The following TMEM26 variants were observed in gnomAD, a reference collection of about 807,000 sequenced individuals.
TMEM26 encodes the protein transmembrane protein 26.
In TMEM26, 38 loss-of-function variants were observed where a neutral mutation model predicts 28.8. The ratio of observed to expected loss-of-function variants is 1.32; its 90% CI spans 1.02 to 1.73. The LOEUF is 1.73. Ranked by LOEUF, TMEM26 falls within the 40% of genes most tolerant of loss-of-function variation. TMEM26 has a pLI of 0.00. For missense variants in TMEM26, 518 were observed against 447.1 expected (o/e 1.16, Z -1.43); for synonymous variants, 227 against 182.9 (o/e 1.24, Z -1.95).
intron 1 of TMEM26, among the ~76,000 whole-genome samples, chr10:61,447,271 T>G (rs1384070377): frequency 6.6e-6 from 1 of 152,188 alleles, no homozygotes; most frequent in Non-Finnish European, 1.5e-5. Flanking sequence ...CATAAACATT[T>G]TTGATGGAGG....
intron 2 of TMEM26, among the ~76,000 whole-genome samples, chr10:61,433,172 A>G (rs1297866765): frequency 6.6e-6 from 1 of 152,140 alleles, no homozygotes; most frequent in African/African-American, 2.4e-5. Flanking sequence ...ACTTGGAAGC[A>G]AATAGCTTCA....
intron 1 of TMEM26, 164 bp downstream of exon 1, chr10:61,452,727 C>A: frequency 1.2e-6 from 1 of 856,292 alleles, no homozygotes. Flanking sequence ...CCCTGGGGTG[C>A]CCAAGAGATG....
At chr10:61,435,305 AC>A (rs1839985810) in intron 2 of TMEM26, among the ~76,000 whole-genome samples, 1 of 152,126 alleles carries the variant, frequency 6.6e-6, no homozygotes, top group African/African-American at 2.4e-5. Context: ...CTTGGCCTCC[AC>A]AGTAGCTGAA....
chr10:61,439,276 T>C (rs1441477364), intron 1 of TMEM26, among the ~76,000 whole-genome samples: 1 of 152,214 alleles, frequency 6.6e-6, no homozygotes, highest in African/African-American at 2.4e-5. Flanking sequence ...GACTTCGCTT[T>C]CCTAATGCAA....
At position 61,440,039 on chromosome 10, in the gene TMEM26, C is replaced by T. The variant is rs1350967422; in HGVS notation, c.192-3791G>A. Among the ~76,000 whole-genome samples the T allele has an allele frequency of 7.9e-5, 12 of 152,056 alleles. No individual in the cohort carries two copies. In the East Asian group the frequency reaches 1.9e-3, roughly 25 times the overall value. ...CAGATCACTTGAGGTCAGGAGTTCGCGACCAGCCTGGCCAACATGGTGAAC... is the reference window on the plus strand; with the variant it reads ...CAGATCACTTGAGGTCAGGAGTTCGTGACCAGCCTGGCCAACATGGTGAAC... On this transcript the variant is annotated intron_variant, in intron 1 of 5. Transcript: ENST00000399298.
Position 61,452,996 on chromosome 10 carries a change from T to C in TMEM26, c.86A>G (p.Glu29Gly), listed in dbSNP as rs1291971475. The C allele has an allele frequency of 4.3e-6, 7 of 1,613,894 alleles. No homozygotes were observed. The highest frequency in any genetic ancestry group is 5.1e-6 in the Non-Finnish European group (6 of 1,179,986). The part of the protein sequence containing the change: ...HSLVGVWRVT[E>G]VKKEPRYWLL... Reference sequence around the variant, plus strand: ...CCAGTACCGCGGCTCCTTCTTCACCTCGGTCACTCGCCAGACCCCGACCAG... The same window carrying C: ...CCAGTACCGCGGCTCCTTCTTCACCCCGGTCACTCGCCAGACCCCGACCAG... Residue 29 changes from glutamate to glycine, a missense_variant, in exon 1 of 6, where the codon GAG becomes GGG. Coordinates refer to ENST00000399298, the MANE Select transcript of TMEM26 (RefSeq NM_178505.8).
chr10:61,410,559 G>C lies in TMEM26; in HGVS notation c.870C>G (p.Ala290=). 1 of 1,614,048 alleles carries C rather than the reference G, an allele frequency of 6.2e-7. No individual in the cohort carries two copies. The highest frequency in any genetic ancestry group is 8.5e-7 in the Non-Finnish European group (1 of 1,180,018). ...KVINQMLVFF[A]AKNFLVVVLQ... Reference sequence around the variant, plus strand: ...ACACCACCACGAGGAAGTTCTTCGCGGCAAAGAACACCAGCATCTGATTGA... The same window carrying C: ...ACACCACCACGAGGAAGTTCTTCGCCGCAAAGAACACCAGCATCTGATTGA... The change falls in exon 6 of 6, where the codon GCC becomes GCG. Residue 290 remains alanine (A), a synonymous_variant. Transcript: ENST00000399298.
rs915908738 is a variant in TMEM26 at position 61,413,551 on chromosome 10, A to C, written c.606-16T>G. 1 of 1,582,516 alleles carries C rather than the reference A, an allele frequency of 6.3e-7. No homozygotes were observed. Among genetic ancestry groups the C allele is most frequent in the Non-Finnish European group, 8.6e-7 (1 of 1,167,866 alleles). On this transcript the variant is annotated splice_polypyrimidine_tract_variant and intron_variant, in intron 4 of 5. Coordinates refer to ENST00000399298, the MANE Select transcript of TMEM26 (RefSeq NM_178505.8). The stretch of plus-strand genomic sequence containing the variant: ...AGGACTATTCCTAGAATACAGACAA[A>C]ATGTTAAATTTGTAATAAAAAGTAT...
At chr10:61,413,327 T>C in intron 5 of TMEM26, 132 bp downstream of exon 5, 1 of 1,429,698 alleles carries the variant, frequency 7.0e-7, no homozygotes, top group East Asian at 2.5e-5. Flanking sequence ...TCTACTTTCC[T>C]TCTAAGCTGA....
chr10:61,425,337 C>A (rs553863865), intron 4 of TMEM26, among the ~76,000 whole-genome samples: 11 of 152,130 alleles, frequency 7.2e-5, no homozygotes, highest in African/African-American at 2.7e-4. Context: ...AGGGACACAG[C>A]CAAACCATAT....
rs1839878503 is a variant in TMEM26, at chr10:61,429,077, A to G, written c.454T>C (p.Phe152Leu). ...KVWTLGLHQT[F>L]LLMLIIGRWL... ...CTTCCAATTATTAGCATTAACAGGA[A>G]TGTCTGATGGAGTCCCAATGTCCAA... The change falls in exon 4 of 6, where the codon TTC (phenylalanine) becomes CTC (leucine). Residue 152 changes from phenylalanine to leucine, a missense_variant. Coordinates refer to ENST00000399298, the MANE Select transcript of TMEM26 (RefSeq NM_178505.8). 3 of 1,613,366 alleles carry G rather than the reference A, an allele frequency of 1.9e-6. No homozygotes were observed. The highest frequency in any genetic ancestry group is 2.5e-6 in the Non-Finnish European group (3 of 1,179,488).
At chr10:61,412,345 T>C (rs1028234214) in intron 5 of TMEM26, among the ~76,000 whole-genome samples, 1 of 152,140 alleles carries the variant, frequency 6.6e-6, no homozygotes, top group Admixed American at 6.5e-5. Flanking sequence ...AGTTTTTCCA[T>C]CTATTCCAAA....
At chr10:61,426,224 G>GAAAAATCC (rs966942914) in intron 4 of TMEM26, among the ~76,000 whole-genome samples, 2 of 151,990 alleles carry the variant, frequency 1.3e-5, no homozygotes, top group African/African-American at 4.8e-5. Flanking sequence ...TTCTAGGAAA[G>GAAAAATCC]AAAAATCCAC....
chr10:61,410,459 C>G lies in TMEM26; in HGVS notation c.970G>C (p.Gly324Arg). 6.2e-7 allele frequency: 1 copy of G among 1,614,162 alleles called. No individual in the cohort carries two copies. The highest frequency in any genetic ancestry group is 8.5e-7 in the Non-Finnish European group (1 of 1,180,030). Residue 324 changes from glycine (G) to arginine (R), a missense_variant, in exon 6 of 6, where the codon GGA becomes CGA. Coordinates refer to ENST00000399298, the MANE Select transcript of TMEM26 (RefSeq NM_178505.8). ...SLRSQSEGLK[G>R]EHGCRAQTSE... ...GTCTGTGCCCGGCAACCATGTTCTC[C>G]TTTCAGGCCTTCTGACTGACTTCTC...
In TMEM26 at chr10:61,410,309, T is replaced by G. The variant is rs1589022526; in HGVS notation, c.*13A>C. On this transcript the variant is annotated 3_prime_UTR_variant, in exon 6 of 6. Transcript: ENST00000399298. ...GAGTCAGGTTCTAGCCGCAGACCAC[T>G]GTCAATCAATAACTAAGGGGTGTGG... is the stretch of plus-strand genomic sequence containing the variant. 3 of 1,596,684 alleles carry G rather than the reference T, an allele frequency of 1.9e-6. No individual in the cohort carries two copies. The highest frequency in any genetic ancestry group is 2.2e-5 in the East Asian group (1 of 44,600).
chr10:61,452,840 G>A, intron 1 of TMEM26, 51 bp downstream of exon 1: 4 of 1,577,508 alleles, frequency 2.5e-6, no homozygotes, highest in South Asian at 1.1e-5. Context: ...GTGCGGTGGG[G>A]GACAATACCC....
In TMEM26 at chr10:61,452,971, C is replaced by G; in HGVS notation, c.111G>C (p.Trp37Cys). The change falls in exon 1 of 6, where the codon TGG (tryptophan) becomes TGC (cysteine). Residue 37 changes from tryptophan (W) to cysteine (C), a missense_variant. Physicochemically the swap from Trp to Cys is radical, Grantham distance 215. Transcript: ENST00000399298. ...GCAAGAGGTTGAGCAGCGCAAGCAG[C>G]CAGTACCGCGGCTCCTTCTTCACCT... ...VTEVKKEPRY[W>C]LLALLNLLLF... is the part of the protein sequence containing the mutation. The G allele has an allele frequency of 6.2e-7, 1 of 1,614,114 alleles. No individual in the cohort carries two copies. The highest frequency in any genetic ancestry group is 1.1e-5 in the South Asian group (1 of 91,082).
At chr10:61,414,871 C>T (rs1839625340) in intron 4 of TMEM26, 5 of 469,050 alleles carry the variant, frequency 1.1e-5, no homozygotes, top group Non-Finnish European at 1.4e-5. Flanking sequence ...CAGATTTAAA[C>T]AAGGCTTCTG....
chr10:61,414,028 A>C, intron 4 of TMEM26: 1 of 987,574 alleles, frequency 1.0e-6, no homozygotes, highest in Non-Finnish European at 1.2e-6. Context: ...AAAGGTAAGG[A>C]GATAAATCCA....
Sources: gnomAD v4.1 joint callset for allele counts (sites outside exome capture counted in the v4.1 genomes callset) on GRCh38, gnomAD v4.1.1 for gene constraint, MANE v1.5 for transcripts, NCBI Gene and HGNC (gene_info 2026-07-23, HGNC 2026-07-21) for gene names.